ARF3: variants seen among roughly 807,000 people sequenced by gnomAD.
The protein encoded by ARF3 is ADP-ribosylation factor 3.
In ARF3, 5 loss-of-function variants were observed where a neutral mutation model predicts 19.3. That is an observed-to-expected ratio of 0.26 (90% CI 0.14 to 0.54). The LOEUF (loss-of-function observed/expected upper bound fraction) is 0.54, where lower values mean the gene tolerates loss of function less well. ARF3 is among the 20% of genes least tolerant of loss of function. The probability of loss-of-function intolerance (pLI) is 0.95; values close to 1 mark genes in which losing one functional copy is unlikely to be tolerated. For synonymous variants in ARF3, 71 were observed against 89.2 expected (o/e 0.80, Z 1.15); for missense variants, 77 against 234.2 (o/e 0.33, Z 4.38).
At position 48,942,244 on chromosome 12, in the gene ARF3, C is replaced by CT. The variant is rs780786823; in HGVS notation, c.-93-1057dup. Reference sequence around the variant, plus strand: ...AACACTTTCCTTTCCTGCCTCAAAGCTTTTTTTTTTTTTTTTTAAAGAGGC... The same window carrying CT: ...AACACTTTCCTTTCCTGCCTCAAAGCTTTTTTTTTTTTTTTTTTAAAGAGGC... On this transcript the variant is annotated intron_variant, in intron 1 of 4. Transcript: ENST00000256682. Among the ~76,000 whole-genome samples, 349 of 136,734 alleles carry CT rather than the reference C, an allele frequency of 2.6e-3. 1 individual carries two copies. Among genetic ancestry groups the CT allele is most frequent in the East Asian group, 6.1e-3 (29 of 4,792 alleles). The allele number at this position is 136,734 out of a possible 152,430, so 89.7% of individuals were successfully genotyped here.
At chr12:48,952,176 G>A (rs970276445) in intron 1 of ARF3, among the ~76,000 whole-genome samples, 5 of 152,170 alleles carry the variant, frequency 3.3e-5, no homozygotes, top group African/African-American at 9.7e-5. Flanking sequence ...AACAATCCTG[G>A]AAAAGACTCC....
Position 48,938,714 on chromosome 12 carries a change from T to C in ARF3, c.*233A>G, listed in dbSNP as rs1283522147. On this transcript the variant is annotated 3_prime_UTR_variant, in exon 5 of 5. Coordinates refer to ENST00000256682, the MANE Select transcript of ARF3 (RefSeq NM_001659.3). ...CATGAAACCGTAACAACTTTTTGTTTTAAATCCAGTAAATTGGAATGACTC... is the reference window on the plus strand; with the variant it reads ...CATGAAACCGTAACAACTTTTTGTTCTAAATCCAGTAAATTGGAATGACTC... The C allele has an allele frequency of 1.2e-5, 7 of 580,226 alleles. No homozygotes were observed. Among genetic ancestry groups the C allele is most frequent in the Non-Finnish European group, 2.1e-5 (7 of 329,348 alleles). The allele number at this position is 580,226 out of a possible 1,614,324, so 35.9% of individuals were successfully genotyped here. A position where few individuals can be genotyped will look rare whatever the true frequency, so the allele number is the denominator to read the frequency against.
In ARF3 at chr12:48,940,040, G is replaced by A. The variant is rs768275600; in HGVS notation, c.216C>T (p.Asp72=). ...AGTGTCTCCAGAGGGGTCGAATCTTGTCCTGGCCACCCACATCCCACACTG... is the reference window on the plus strand; with the variant it reads ...AGTGTCTCCAGAGGGGTCGAATCTTATCCTGGCCACCCACATCCCACACTG... ...SFTVWDVGGQ[D]KIRPLWRHYF... The change falls in exon 3 of 5, where the codon GAC becomes GAT. Residue 72 remains aspartate (D), a synonymous_variant. Transcript: ENST00000256682. 1 of 1,614,126 alleles carries A rather than the reference G, an allele frequency of 6.2e-7. No individual in the cohort carries two copies. The highest frequency in any genetic ancestry group is 1.1e-5 in the South Asian group (1 of 91,076).
At chr12:48,942,269 C>T (rs1213840181) in intron 1 of ARF3, among the ~76,000 whole-genome samples, 4 of 147,132 alleles carry the variant, frequency 2.7e-5, no homozygotes, top group African/African-American at 1.0e-4. Flanking sequence ...TTTAAAGAGG[C>T]GAGGTCTTAC....
At chr12:48,950,353 G>A (rs939418987) in intron 1 of ARF3, among the ~76,000 whole-genome samples, 2 of 152,046 alleles carry the variant, frequency 1.3e-5, no homozygotes, top group East Asian at 3.9e-4. Context: ...GCACCACCAC[G>A]CCTGGCTAAT....
intron 1 of ARF3, among the ~76,000 whole-genome samples, chr12:48,944,175 G>C (rs1014554789): frequency 1.3e-5 from 2 of 152,238 alleles, no homozygotes; most frequent in African/African-American, 4.8e-5. Context: ...CCCAGATTCT[G>C]AATTAAATTT....
chr12:48,950,914 T>C (rs1445050999), intron 1 of ARF3, among the ~76,000 whole-genome samples: 4 of 152,026 alleles, frequency 2.6e-5, no homozygotes, highest in Non-Finnish European at 5.9e-5. Flanking sequence ...GCCTCTCAAG[T>C]AGCTGGGCGA....
chr12:48,939,970 A>G lies in ARF3; in HGVS notation c.259+27T>C. 6.2e-7 allele frequency: 1 copy of G among 1,607,964 alleles called. No homozygotes were observed. Among genetic ancestry groups the G allele is most frequent in the Non-Finnish European group, 8.5e-7 (1 of 1,174,400 alleles). Reference sequence around the variant, plus strand: ...CAGCCACACTCTCTGCTCATACCCAACCAACCCACGCTAGGCCTGAGCATA... The same window carrying G: ...CAGCCACACTCTCTGCTCATACCCAGCCAACCCACGCTAGGCCTGAGCATA... On this transcript the variant is annotated intron_variant, in intron 3 of 4. Coordinates refer to ENST00000256682, the MANE Select transcript of ARF3 (RefSeq NM_001659.3). This position sits in a 1 kb window ranked among gnomAD's most constrained non-coding sequence, Gnocchi z 4.8.
At chr12:48,943,896 C>A (rs941020480) in intron 1 of ARF3, among the ~76,000 whole-genome samples, 2 of 152,154 alleles carry the variant, frequency 1.3e-5, no homozygotes, top group Non-Finnish European at 2.9e-5. Context: ...AAGCCACCCG[C>A]TAGCCTTCCT....
intron 1 of ARF3, among the ~76,000 whole-genome samples, chr12:48,946,858 C>T (rs1203987247): frequency 2.6e-5 from 4 of 152,200 alleles, no homozygotes; most frequent in Admixed American, 6.5e-5. Flanking sequence ...CACATACTCC[C>T]TCTACCTGAT....
At chr12:48,953,349 G>T (rs550965353) in intron 1 of ARF3, 1 of 152,084 alleles carries the variant, frequency 6.6e-6, no homozygotes, top group Non-Finnish European at 1.5e-5. Context: ...CCAGTAGAGA[G>T]TAACTCCACT....
At chr12:48,949,115 T>C (rs1940416932) in intron 1 of ARF3, among the ~76,000 whole-genome samples, 2 of 151,972 alleles carry the variant, frequency 1.3e-5, no homozygotes, top group Non-Finnish European at 2.9e-5. Context: ...CGCAGAAGAG[T>C]AGAATAATCA....
Position 48,939,980 on chromosome 12 carries a change from G to A in ARF3, c.259+17C>T, listed in dbSNP as rs533034966. 1.9e-5 allele frequency: 31 copies of A among 1,611,978 alleles called. No individual in the cohort carries two copies. In the Middle Eastern group the frequency reaches 5.0e-4, roughly 26 times the overall value. ...CTCTGCTCATACCCAACCAACCCACGCTAGGCCTGAGCATACCTTGGGTGT... is the reference window on the plus strand; with the variant it reads ...CTCTGCTCATACCCAACCAACCCACACTAGGCCTGAGCATACCTTGGGTGT... On this transcript the variant is annotated intron_variant, in intron 3 of 4. Transcript: ENST00000256682. This position sits in a 1 kb window ranked among gnomAD's most constrained non-coding sequence, Gnocchi z 4.8.
chr12:48,939,907 C>T lies in ARF3; in HGVS notation c.259+90G>A, dbSNP rs1940221278. ...CCTCCCTTTCTTCTGCCCCCAGGAGCTGCAGCAGGGTAACAGTTGGCCACC... is the reference window on the plus strand; with the variant it reads ...CCTCCCTTTCTTCTGCCCCCAGGAGTTGCAGCAGGGTAACAGTTGGCCACC... On this transcript the variant is annotated intron_variant, in intron 3 of 4. Transcript: ENST00000256682. The surrounding 1 kb of genome is among the most constrained non-coding windows in gnomAD (Gnocchi z 4.8). The T allele has an allele frequency of 1.3e-6, 2 of 1,588,718 alleles. No homozygotes were observed. The highest frequency in any genetic ancestry group is 3.3e-5 in the Admixed American group (2 of 59,800).
chr12:48,936,924 G>A lies in ARF3; in HGVS notation c.*2023C>T, dbSNP rs1376992703. ...TCTGAGGAAACAGAGCAAATAAAAA[G>A]TATGGAGGGAAGCATCTGTGGGGCC... On this transcript the variant is annotated 3_prime_UTR_variant, in exon 5 of 5. Transcript: ENST00000256682. 2 of 152,192 alleles carry A rather than the reference G, an allele frequency of 1.3e-5. No individual in the cohort carries two copies. The highest frequency in any genetic ancestry group is 4.8e-5 in the African/African-American group (2 of 41,420). 9.4% of individuals were successfully genotyped at this position (152,192 alleles called of 1,614,324 possible). A position where few individuals can be genotyped will look rare whatever the true frequency, so the allele number is the denominator to read the frequency against.
At chr12:48,956,743 T>C (rs974677883) in intron 1 of ARF3, among the ~76,000 whole-genome samples, 2 of 151,870 alleles carry the variant, frequency 1.3e-5, no homozygotes, top group African/African-American at 4.8e-5. Flanking sequence ...TTCCCTAGAC[T>C]CGAAAGCGCA....
At position 48,938,902 on chromosome 12, in the gene ARF3, G is replaced by A. The variant is rs768204527; in HGVS notation, c.*45C>T. The A allele has an allele frequency of 5.6e-6, 9 of 1,593,792 alleles. No individual in the cohort carries two copies. The South Asian group carries it at 9.0e-5, about 16-fold the overall frequency. ...TAGGACTGGGGCAGGGTGACAGTAG[G>A]TATGTCAGGGGTGGGTGGGGTGCTT... On this transcript the variant is annotated 3_prime_UTR_variant, in exon 5 of 5. Coordinates refer to ENST00000256682, the MANE Select transcript of ARF3 (RefSeq NM_001659.3).
intron 1 of ARF3, among the ~76,000 whole-genome samples, chr12:48,951,833 C>T (rs1400633842): frequency 5.3e-5 from 8 of 151,184 alleles, no homozygotes; most frequent in South Asian, 2.1e-4. Context: ...GAGCCAAGAT[C>T]GTGCCATTGC....
Position 48,947,235 on chromosome 12 carries a change from T to C in ARF3, c.-93-6047A>G, listed in dbSNP as rs550143815. Among the ~76,000 whole-genome samples, 19 of 152,152 alleles carry C rather than the reference T, an allele frequency of 1.2e-4. No homozygotes were observed. The South Asian group carries it at 3.7e-3, about 30-fold the overall frequency. On this transcript the variant is annotated intron_variant, in intron 1 of 4. Transcript: ENST00000256682. ...ACTCCTAGATGATATCTGAACTATT[T>C]CGACTAGACTTAAAGATTTCCCAAA...
Sources: allele counts gnomAD v4.1 joint callset (sites outside exome capture counted in the v4.1 genomes callset), GRCh38; gene constraint gnomAD v4.1.1; non-coding constraint Gnocchi (gnomAD v3.1); transcripts MANE v1.5; gene names NCBI Gene and HGNC (gene_info 2026-07-23, HGNC 2026-07-21).